Variants in CACNA2D3 observed in about 807,000 individuals in gnomAD.
CACNA2D3 encodes the protein voltage-dependent calcium channel subunit alpha-2/delta-3.
In CACNA2D3, 60 loss-of-function variants were observed where a neutral mutation model predicts 160.6. That is an observed-to-expected ratio of 0.37 (90% CI 0.30 to 0.46). The LOEUF (loss-of-function observed/expected upper bound fraction) is 0.46. CACNA2D3 is among the 20% of genes least tolerant of loss of function. The probability of loss-of-function intolerance (pLI) is 1.00; values close to 1 mark genes in which losing one functional copy is unlikely to be tolerated. For synonymous variants in CACNA2D3, 558 were observed against 492.9 expected (o/e 1.13, Z -1.75); for missense variants, 1,205 against 1,365.0 (o/e 0.88, Z 1.85).
chr3:54,839,213 GCAC>G (rs1559600773), intron 16 of CACNA2D3, among the ~76,000 whole-genome samples: 1 of 152,054 alleles, frequency 6.6e-6, no homozygotes, highest in Non-Finnish European at 1.5e-5. Flanking sequence ...AGCTGAAATC[GCAC>G]CACTGCACTG....
At chr3:54,819,728 C>T (rs35375929) in intron 14 of CACNA2D3, among the ~76,000 whole-genome samples, 14,850 of 152,040 alleles carry the variant, frequency 0.098, 781 homozygotes, top group South Asian at 0.16. Context: ...ACCTATAGTC[C>T]CAGCTAATCC....
chr3:54,879,490 G>T, intron 20 of CACNA2D3, 79 bp downstream of exon 20: 1 of 1,025,492 alleles, frequency 9.8e-7, no homozygotes. Context: ...CACTCTCAGA[G>T]CTCATCATCT....
chr3:54,786,679 T>G (rs1702648090), intron 13 of CACNA2D3, among the ~76,000 whole-genome samples: 1 of 152,212 alleles, frequency 6.6e-6, no homozygotes, highest in South Asian at 2.1e-4. Context: ...AAACTGTGAA[T>G]GTAATGCACT....
Position 54,152,485 on chromosome 3 carries a change from G to A in CACNA2D3, c.204+28891G>A, listed in dbSNP as rs1700170400. On this transcript the variant is annotated intron_variant, in intron 2 of 37. Coordinates refer to ENST00000474759, the MANE Select transcript of CACNA2D3 (RefSeq NM_018398.3). Reference sequence around the variant, plus strand: ...TCTTGAACAGTCTAGCAAATAGTAGGTGCCTCAAATATTTCTAAAGGAATA... The same window carrying A: ...TCTTGAACAGTCTAGCAAATAGTAGATGCCTCAAATATTTCTAAAGGAATA... 2.0e-5 allele frequency among the ~76,000 whole-genome samples: 3 copies of A among 152,168 alleles called. No individual in the cohort carries two copies. The South Asian group carries it at 6.2e-4, about 32-fold the overall frequency.
chr3:54,432,311 A>G (rs1575451396), intron 4 of CACNA2D3, among the ~76,000 whole-genome samples: 1 of 152,112 alleles, frequency 6.6e-6, no homozygotes, highest in African/African-American at 2.4e-5. Flanking sequence ...GTCTGGGATA[A>G]ACAATGATCT....
At chr3:54,918,099 A>G (rs1371754162) in intron 27 of CACNA2D3, 2 of 188,032 alleles carry the variant, frequency 1.1e-5, no homozygotes, top group East Asian at 2.8e-4. Context: ...GCTGATTGGC[A>G]TGTGTGTTTG....
intron 11 of CACNA2D3, among the ~76,000 whole-genome samples, chr3:54,748,822 G>A (rs1209288036): frequency 2.6e-5 from 4 of 152,140 alleles, no homozygotes; most frequent in African/African-American, 9.7e-5. Context: ...AGTTTGTTAC[G>A]TGGTGCTTCC....
At chr3:54,765,679 A>G (rs6809466) in intron 13 of CACNA2D3, among the ~76,000 whole-genome samples, 63,862 of 151,974 alleles carry the variant, frequency 0.42, 14,696 homozygotes, top group Non-Finnish European at 0.5. Flanking sequence ...CAAACCCCAA[A>G]TAGCCAGTTT....
At chr3:54,429,970 G>A (rs535008589) in intron 4 of CACNA2D3, among the ~76,000 whole-genome samples, 9 of 152,284 alleles carry the variant, frequency 5.9e-5, no homozygotes, top group Non-Finnish European at 1.0e-4. Context: ...CTGACAATCT[G>A]TTTAGAGCAA....
chr3:54,165,657 C>T (rs1700440751), intron 2 of CACNA2D3, among the ~76,000 whole-genome samples: 1 of 150,128 alleles, frequency 6.7e-6, no homozygotes, highest in African/African-American at 2.5e-5. Context: ...CACCTGTAGT[C>T]CCAGCTACTC....
intron 11 of CACNA2D3, among the ~76,000 whole-genome samples, chr3:54,723,843 A>T (rs1486760386): frequency 1.3e-5 from 2 of 152,242 alleles, no homozygotes; most frequent in African/African-American, 4.8e-5. Flanking sequence ...ATCTTGCACT[A>T]TGAAGAAACT....
intron 16 of CACNA2D3, among the ~76,000 whole-genome samples, chr3:54,845,502 A>G (rs1433356731): frequency 1.3e-5 from 2 of 152,182 alleles, no homozygotes; most frequent in Non-Finnish European, 2.9e-5. Flanking sequence ...TTCTTTCTTC[A>G]GAGAGACAGA....
chr3:54,338,467 C>CTCTGTGTGTGTGTGTGTGTGTG (rs996617901), intron 3 of CACNA2D3, among the ~76,000 whole-genome samples: 26 of 136,530 alleles, frequency 1.9e-4, no homozygotes, highest in African/African-American at 6.4e-4. Flanking sequence ...TCTCCCCTCC[C>CTCTGTGTGTGTGTGTGTGTGTG]TGTGTGTGTG....
At chr3:54,741,307 G>A (rs1701642771) in intron 11 of CACNA2D3, among the ~76,000 whole-genome samples, 2 of 152,178 alleles carry the variant, frequency 1.3e-5, no homozygotes, top group Admixed American at 1.3e-4. Context: ...CACCTTTGGA[G>A]ATCTCCTCTT....
chr3:54,503,791 G>A (rs1337489371), intron 5 of CACNA2D3, 137 bp downstream of exon 5: 1 of 698,630 alleles, frequency 1.4e-6, no homozygotes, highest in Non-Finnish European at 2.4e-6. Context: ...AGTGTGTCAG[G>A]TATCAACTGG....
chr3:55,046,169 T>C (rs974987455), intron 35 of CACNA2D3, among the ~76,000 whole-genome samples: 6 of 150,036 alleles, frequency 4.0e-5, no homozygotes, highest in Non-Finnish European at 5.9e-5. Context: ...GTTACATATG[T>C]ATACATGTGC....
chr3:54,278,991 A>G (rs541633868), intron 2 of CACNA2D3, among the ~76,000 whole-genome samples: 1 of 152,290 alleles, frequency 6.6e-6, no homozygotes, highest in Admixed American at 6.5e-5. Context: ...ACACACAAAA[A>G]CACCAGTATT....
intron 5 of CACNA2D3, among the ~76,000 whole-genome samples, chr3:54,518,503 C>T (rs1378485516): frequency 6.6e-6 from 1 of 152,210 alleles, no homozygotes; most frequent in African/African-American, 2.4e-5. Flanking sequence ...CACCCAGCAC[C>T]TGTGTGACCT....
chr3:55,005,562 C>G (rs2107139520), intron 32 of CACNA2D3, among the ~76,000 whole-genome samples: 1 of 152,290 alleles, frequency 6.6e-6, no homozygotes, highest in East Asian at 1.9e-4. Flanking sequence ...CTCCCCTAAT[C>G]ATGCCACTGG....
Sources: allele counts gnomAD v4.1 joint callset (sites outside exome capture counted in the v4.1 genomes callset), GRCh38; gene constraint gnomAD v4.1.1; transcripts MANE v1.5; gene names NCBI Gene and HGNC (gene_info 2026-07-23, HGNC 2026-07-21).